The following FER variants were observed in gnomAD, a reference collection of about 807,000 sequenced individuals.
The protein encoded by FER is tyrosine-protein kinase Fer.
A neutral mutation model predicts 111.0 loss-of-function variants in FER; 63 were observed. The ratio of observed to expected loss-of-function variants is 0.57; its 90% confidence interval spans 0.46 to 0.70. The LOEUF (loss-of-function observed/expected upper bound fraction) is 0.70, where lower values mean the gene tolerates loss of function less well. FER is among the 30% of genes least tolerant of loss of function. FER has a pLI of 0.00. For missense variants in FER, 914 were observed against 954.0 expected (o/e 0.96, Z 0.55); for synonymous variants, 327 against 313.9 (o/e 1.04, Z -0.44).
At chr5:108,904,433 G>T (rs1427951682) in intron 10 of FER, among the ~76,000 whole-genome samples, 1 of 152,098 alleles carries the variant, frequency 6.6e-6, no homozygotes, top group Non-Finnish European at 1.5e-5. Flanking sequence ...TTCAGGCAGT[G>T]GGAAGAGCAG....
chr5:108,938,050 A>T (rs1755761208), intron 10 of FER, among the ~76,000 whole-genome samples: 2 of 150,118 alleles, frequency 1.3e-5, no homozygotes, highest in South Asian at 4.3e-4. Context: ...ACACACACAC[A>T]CACACACACA....
chr5:109,007,596 A>G (rs1452131471), intron 13 of FER, among the ~76,000 whole-genome samples: 1 of 152,210 alleles, frequency 6.6e-6, no homozygotes, highest in Admixed American at 6.5e-5. Flanking sequence ...ATTGTTGCAC[A>G]AATCAGTAAT....
intron 17 of FER, among the ~76,000 whole-genome samples, chr5:109,167,185 T>G (rs1042375091): frequency 6.6e-6 from 1 of 152,140 alleles, no homozygotes; most frequent in East Asian, 1.9e-4. Flanking sequence ...TCTCAATAAA[T>G]GAATGGTGTG....
In FER at chr5:108,841,012, C is replaced by G. The variant is rs555917601; in HGVS notation, c.481+5205C>G. Among the ~76,000 whole-genome samples the G allele has an allele frequency of 4.7e-4, 72 of 152,142 alleles. 1 individual carries two copies. Among genetic ancestry groups the G allele is most frequent in the East Asian group, 3.9e-4 (2 of 5,186 alleles). On this transcript the variant is annotated intron_variant, in intron 5 of 19. Transcript: ENST00000281092. ...CATTTGTAAAATGCCTAGCAGATGA[C>G]TGGGAAGAGAAAGGAGGGTTGAGGG...
chr5:108,867,421 T>C (rs762836371), intron 5 of FER, among the ~76,000 whole-genome samples: 3 of 152,156 alleles, frequency 2.0e-5, no homozygotes, highest in African/African-American at 4.8e-5. Context: ...TTACAAACTT[T>C]CTTGGTTTCT....
intron 13 of FER, among the ~76,000 whole-genome samples, chr5:108,973,517 A>C (rs1760949897): frequency 6.6e-6 from 1 of 152,142 alleles, no homozygotes; most frequent in Non-Finnish European, 1.5e-5. Context: ...TTTATGTAAC[A>C]ATTTGTATAT....
chr5:108,912,545 A>G (rs1751702280), intron 10 of FER, among the ~76,000 whole-genome samples: 2 of 152,128 alleles, frequency 1.3e-5, no homozygotes, highest in Admixed American at 1.3e-4. Context: ...TATTTTTAGT[A>G]GAGACTGGGT....
chr5:108,937,241 G>A (rs575949695), intron 10 of FER, among the ~76,000 whole-genome samples: 4 of 151,970 alleles, frequency 2.6e-5, no homozygotes, highest in Non-Finnish European at 5.9e-5. Flanking sequence ...TTGTGAGTGT[G>A]TGCTTGGGCC....
chr5:108,923,146 C>G (rs1251097221), intron 10 of FER, among the ~76,000 whole-genome samples: 1 of 151,798 alleles, frequency 6.6e-6, no homozygotes, highest in Non-Finnish European at 1.5e-5. Context: ...AATGCTTTCT[C>G]CTAAGAAATT....
At chr5:108,756,909 T>A (rs1455111320) in intron 1 of FER, among the ~76,000 whole-genome samples, 1 of 152,210 alleles carries the variant, frequency 6.6e-6, no homozygotes, top group Admixed American at 6.5e-5. Context: ...GCTTCAGATA[T>A]AATGGTGGGG....
intron 13 of FER, among the ~76,000 whole-genome samples, chr5:109,030,174 A>C (rs77050335): frequency 0.01 from 1,525 of 152,084 alleles, 22 homozygotes; most frequent in African/African-American, 0.035. Context: ...TTCTTTTTTT[A>C]ATAACTTCTG....
chr5:108,797,286 G>A (rs1756136295), intron 2 of FER, among the ~76,000 whole-genome samples: 1 of 152,038 alleles, frequency 6.6e-6, no homozygotes, highest in East Asian at 1.9e-4. Context: ...CTCTCCTCAA[G>A]CAGAAGGATG....
At chr5:108,969,349 A>C (rs1464389129) in intron 13 of FER, among the ~76,000 whole-genome samples, 1 of 152,154 alleles carries the variant, frequency 6.6e-6, no homozygotes, top group Non-Finnish European at 1.5e-5. Context: ...TGAATGAGGA[A>C]GTTCTATATG....
At chr5:108,994,268 T>C (rs1300374951) in intron 13 of FER, among the ~76,000 whole-genome samples, 1 of 152,216 alleles carries the variant, frequency 6.6e-6, no homozygotes, top group Non-Finnish European at 1.5e-5. Context: ...CTTTAATCCA[T>C]CTTGAGTTAA....
At chr5:109,130,556 TAACTC>T (rs1016729824) in intron 17 of FER, among the ~76,000 whole-genome samples, 4 of 152,000 alleles carry the variant, frequency 2.6e-5, no homozygotes, top group African/African-American at 9.7e-5. Flanking sequence ...GTTTAAATAA[TAACTC>T]AATACAGATA....
intron 17 of FER, among the ~76,000 whole-genome samples, chr5:109,116,607 G>A (rs1418031462): frequency 6.6e-6 from 1 of 152,058 alleles, no homozygotes; most frequent in African/African-American, 2.4e-5. Flanking sequence ...TTAAAATGTT[G>A]CTATTTTGCC....
intron 2 of FER, among the ~76,000 whole-genome samples, chr5:108,773,384 C>G (rs1303640206): frequency 6.6e-6 from 1 of 152,060 alleles, no homozygotes; most frequent in Non-Finnish European, 1.5e-5. Flanking sequence ...GGGTATTGTT[C>G]CCCTCCCTGT....
intron 17 of FER, among the ~76,000 whole-genome samples, chr5:109,173,956 TTGATAGC>T (rs2126814456): frequency 6.6e-6 from 1 of 152,264 alleles, no homozygotes; most frequent in East Asian, 1.9e-4. Context: ...TCTACATCAG[TTGATAGC>T]TGCATTCAAA....
chr5:108,849,749 A>C (rs941785413), intron 5 of FER, among the ~76,000 whole-genome samples: 4 of 152,146 alleles, frequency 2.6e-5, no homozygotes, highest in African/African-American at 9.7e-5. Context: ...TACATTGTGC[A>C]TTTTAAACTC....
Sources: allele counts gnomAD v4.1 joint callset (sites outside exome capture counted in the v4.1 genomes callset), GRCh38; gene constraint gnomAD v4.1.1; transcripts MANE v1.5; gene names NCBI Gene and HGNC (gene_info 2026-07-23, HGNC 2026-07-21).